Variants in CROCC observed in about 807,000 individuals in gnomAD.
CROCC encodes ciliary rootlet coiled-coil, rootletin.
CROCC carries 180 observed loss-of-function variants against 245.2 expected under a neutral mutation model. The observed-to-expected ratio is 0.73, with a 90% CI of 0.65 to 0.83. The LOEUF is 0.83. CROCC is among the 40% of genes least tolerant of loss of function. CROCC has a pLI of 0.00. For synonymous variants in CROCC, 1,205 were observed against 1,241.6 expected, an observed-to-expected ratio of 0.97 and a Z score of 0.62; for missense variants, 2,688 against 2,779.4, an observed-to-expected ratio of 0.97 and a Z score of 0.74.
At chr1:16,935,703 C>A (rs537272607) in intron 8 of CROCC, among the ~76,000 whole-genome samples, 2 of 152,288 alleles carry the variant, frequency 1.3e-5, no homozygotes, top group African/African-American at 2.4e-5. Flanking sequence ...GGATTACAGG[C>A]GTGAGCCACC....
At chr1:16,924,058 C>T (rs1421403649) in intron 2 of CROCC, among the ~76,000 whole-genome samples, 1 of 152,284 alleles carries the variant, frequency 6.6e-6, no homozygotes, top group Non-Finnish European at 1.5e-5. Context: ...ACTCAGGGGT[C>T]TCCTGGCTCC....
upstream of CROCC, among the ~76,000 whole-genome samples, chr1:16,921,701 G>A (rs2075408805): frequency 6.6e-6 from 1 of 152,240 alleles, no homozygotes; most frequent in Non-Finnish European, 1.5e-5. Flanking sequence ...TGACCTCCAG[G>A]TGTCTCCCCT....
chr1:16,937,808 T>A, intron 10 of CROCC, 71 bp downstream of exon 10: 2 of 1,367,396 alleles, frequency 1.5e-6, no homozygotes, highest in Non-Finnish European at 2.1e-6. Context: ...GACGCAGGCT[T>A]AGGGCTGGGC....
At position 16,965,862 on chromosome 1, in the gene CROCC, G is replaced by A; in HGVS notation, c.4545G>A (p.Leu1515=). Residue 1515 remains leucine (L), a synonymous_variant, in exon 28 of 37, where the codon CTG becomes CTA. Transcript: ENST00000375541. The part of the protein sequence containing the change: ...EAVRGALREF[L]QELRSAQRER... ...TGCGCGGGGCCCTCCGGGAATTCCT[G>A]CAAGAGCTGCGGAGTGCCCAGAGAG... 1 of 1,613,582 alleles carries A rather than the reference G, an allele frequency of 6.2e-7. No homozygotes were observed. The highest frequency in any genetic ancestry group is 8.5e-7 in the Non-Finnish European group (1 of 1,179,990).
At chr1:16,931,418 G>A (rs747645581) in intron 8 of CROCC, 21 bp downstream of exon 8, 2 of 1,597,660 alleles carry the variant, frequency 1.3e-6, no homozygotes, top group African/African-American at 1.3e-5. Context: ...GCCGGGGACG[G>A]GGCAGCAGCT....
intron 3 of CROCC, among the ~76,000 whole-genome samples, chr1:16,926,900 TA>T (rs2075546633): frequency 6.6e-6 from 1 of 152,256 alleles, no homozygotes; most frequent in South Asian, 2.1e-4. Flanking sequence ...GAATTGCAAG[TA>T]AAATTGAAAG....
At chr1:16,965,366 G>C (rs7542565) in intron 27 of CROCC, among the ~76,000 whole-genome samples, 141,581 of 152,214 alleles carry the variant, frequency 0.93, 65,956 homozygotes, top group African/African-American at 0.98. Context: ...ATCAGACCCC[G>C]CTGAGGGTGG....
intron 1 of CROCC, among the ~76,000 whole-genome samples, chr1:16,922,422 T>C (rs1294083760): frequency 1.3e-5 from 2 of 152,268 alleles, no homozygotes; most frequent in African/African-American, 4.8e-5. Context: ...CCAGTGGGGT[T>C]TGGGAGTTAC....
intron 3 of CROCC, among the ~76,000 whole-genome samples, chr1:16,929,295 C>G (rs113512453): frequency 6.6e-6 from 1 of 152,276 alleles, no homozygotes; most frequent in Non-Finnish European, 1.5e-5. Context: ...TATGCATAGA[C>G]AGATTGACAC....
chr1:16,956,815 G>A (rs113518541), intron 25 of CROCC, among the ~76,000 whole-genome samples: 7 of 152,218 alleles, frequency 4.6e-5, no homozygotes, highest in Admixed American at 1.3e-4. Context: ...TCGCTGACCC[G>A]TGAATTCGAT....
At chr1:16,956,436 A>G (rs978215375) in intron 25 of CROCC, among the ~76,000 whole-genome samples, 3 of 152,208 alleles carry the variant, frequency 2.0e-5, no homozygotes, top group Admixed American at 1.3e-4. Context: ...GAATCTGCAA[A>G]CAACAAAAGG....
At position 16,970,376 on chromosome 1, in the gene CROCC, G is replaced by A. The variant is rs1468006844; in HGVS notation, c.5575G>A (p.Ala1859Thr). ...GCAGCGCGCCCTGGCTCAGCTGGAA[G>A]CTGAGAAGCGGGAGGTGGAGCGCTC... is the stretch of plus-strand genomic sequence containing the variant. ...SLQRALAQLE[A>T]EKREVERSAL... The change falls in exon 34 of 37, where the codon GCT becomes ACT. Residue 1859 changes from alanine (A) to threonine (T), a missense_variant. Ala to Thr is a moderately conservative substitution (Grantham distance 58). Coordinates refer to ENST00000375541, the MANE Select transcript of CROCC (RefSeq NM_014675.5). 6.2e-7 allele frequency: 1 copy of A among 1,602,594 alleles called. No homozygotes were observed. The highest frequency in any genetic ancestry group is 8.5e-7 in the Non-Finnish European group (1 of 1,175,374).
chr1:16,917,307 A>C (rs1427552784), upstream of CROCC, among the ~76,000 whole-genome samples: 2 of 152,296 alleles, frequency 1.3e-5, no homozygotes, highest in African/African-American at 4.8e-5. Flanking sequence ...GACAGATGTA[A>C]CGTTTTGGGC....
chr1:16,933,218 T>C (rs1247379189), intron 8 of CROCC, among the ~76,000 whole-genome samples: 69 of 152,368 alleles, frequency 4.5e-4, no homozygotes, highest in African/African-American at 1.6e-3. Context: ...ATAATCCCAG[T>C]ACTTCAGGAG....
chr1:16,944,549 CAGT>C (rs1387111017), intron 14 of CROCC, among the ~76,000 whole-genome samples: 1 of 152,040 alleles, frequency 6.6e-6, no homozygotes, highest in African/African-American at 2.4e-5. Context: ...GTAATATTAG[CAGT>C]AGTATTTTAA....
intron 23 of CROCC, 129 bp downstream of exon 23, chr1:16,955,006 T>G (rs1202021789): frequency 8.1e-7 from 1 of 1,231,706 alleles, no homozygotes; most frequent in African/African-American, 1.5e-5. Flanking sequence ...GAATAGCAAC[T>G]TAGAAAGGAG....
chr1:16,946,497 C>A, intron 16 of CROCC, 92 bp downstream of exon 16: 1 of 1,490,700 alleles, frequency 6.7e-7, no homozygotes, highest in Non-Finnish European at 9.1e-7. Context: ...CCTGTCTTGG[C>A]CCCTGCCTCC....
intron 27 of CROCC, 132 bp from the exon 28 acceptor site, chr1:16,965,591 G>A: frequency 1.4e-6 from 1 of 711,734 alleles, no homozygotes; most frequent in South Asian, 1.8e-5. Context: ...TGGGCAAGAA[G>A]ACCCCTAAGC....
chr1:16,917,158 A>G (rs1376767714), upstream of CROCC, among the ~76,000 whole-genome samples: 3 of 152,298 alleles, frequency 2.0e-5, no homozygotes, highest in African/African-American at 7.2e-5. Context: ...CTTTGGAATC[A>G]GGCACACCTA....
Sources: gnomAD v4.1 joint callset for allele counts (sites outside exome capture counted in the v4.1 genomes callset) on GRCh38, gnomAD v4.1.1 for gene constraint, MANE v1.5 for transcripts, NCBI Gene and HGNC (gene_info 2026-07-23, HGNC 2026-07-21) for gene names.